The following PAM variants were observed in gnomAD, a reference collection of about 807,000 sequenced individuals.
PAM encodes the protein peptidyl-glycine alpha-amidating monooxygenase.
PAM carries 72 observed loss-of-function variants against 122.1 expected under a neutral mutation model. The ratio of observed to expected loss-of-function variants is 0.59; its 90% CI spans 0.49 to 0.72. PAM has a LOEUF of 0.72. Among genes scored for constraint, PAM ranks in the 30% least tolerant of loss-of-function variants. The pLI, the probability that PAM is intolerant of heterozygous loss-of-function variation, is 0.00. For synonymous variants in PAM, 389 were observed against 404.4 expected, an observed-to-expected ratio of 0.96 and a Z score of 0.46; for missense variants, 1,106 against 1,183.7, an observed-to-expected ratio of 0.93 and a Z score of 0.96.
intron 4 of PAM, among the ~76,000 whole-genome samples, chr5:102,912,270 G>A (rs1801627400): frequency 6.6e-6 from 1 of 151,954 alleles, no homozygotes; most frequent in Non-Finnish European, 1.5e-5. Flanking sequence ...AACCTCTCAT[G>A]CATTGGCAGA....
At chr5:102,929,282 C>T (rs1293247700) in intron 7 of PAM, among the ~76,000 whole-genome samples, 1 of 152,122 alleles carries the variant, frequency 6.6e-6, no homozygotes, top group Non-Finnish European at 1.5e-5. Context: ...CTTTCAGCAG[C>T]TTCTGTATTG....
intron 5 of PAM, among the ~76,000 whole-genome samples, chr5:102,922,325 G>C (rs1482890635): frequency 6.6e-6 from 1 of 152,054 alleles, no homozygotes; most frequent in African/African-American, 2.4e-5. Context: ...TGAGGAGGAA[G>C]GCTTGAACTG....
chr5:102,833,811 T>G (rs1156846168), intron 1 of PAM, among the ~76,000 whole-genome samples: 1 of 152,152 alleles, frequency 6.6e-6, no homozygotes, highest in Non-Finnish European at 1.5e-5. Flanking sequence ...TCCTTACCCC[T>G]GTCCCCAGGA....
At chr5:102,990,451 C>T (rs1451310638) in intron 16 of PAM, 50 bp downstream of exon 16, 1 of 1,402,024 alleles carries the variant, frequency 7.1e-7, no homozygotes, top group Non-Finnish European at 9.7e-7. Context: ...AAATAGTGTA[C>T]ATAATTTTTT....
In PAM at chr5:102,949,581, C is replaced by A. The variant is rs770682634; in HGVS notation, c.688C>A (p.His230Asn). 40 of 1,546,866 alleles carry A rather than the reference C, an allele frequency of 2.6e-5. No homozygotes were observed. Among genetic ancestry groups the A allele is most frequent in the Non-Finnish European group, 2.9e-5 (33 of 1,119,060 alleles). Reference sequence around the variant, plus strand: ...ATGCCATTATAAAAATTATCCAATGCATGTCTTTGCCTATAGAGTTCACAC... The same window carrying A: ...ATGCCATTATAAAAATTATCCAATGAATGTCTTTGCCTATAGAGTTCACAC... The part of the protein sequence containing the change: ...ISCHYKNYPM[H>N]VFAYRVHTHH... Residue 230 changes from histidine to asparagine, a missense_variant, in exon 10 of 26, where the codon CAT becomes AAT. By Grantham distance (68) the His-to-Asn change is moderately conservative. Transcript: ENST00000438793.
chr5:102,945,535 C>A (rs1220374236), intron 7 of PAM, among the ~76,000 whole-genome samples: 1 of 151,694 alleles, frequency 6.6e-6, no homozygotes, highest in Non-Finnish European at 1.5e-5. Flanking sequence ...CAAATTCAAT[C>A]CTCTTACCTG....
In PAM at chr5:102,792,090, T is replaced by G. The variant is rs1055832360; in HGVS notation, c.-374+36742T>G. ...TTGACAAACTCTTTGATCCTTCTTTTTTTTCACAAGTGGAGATTAGAGCCA... is the reference window on the plus strand; with the variant it reads ...TTGACAAACTCTTTGATCCTTCTTTGTTTTCACAAGTGGAGATTAGAGCCA... On this transcript the variant is annotated intron_variant, in intron 1 of 25. Coordinates refer to ENST00000438793, the MANE Select transcript of PAM (RefSeq NM_001177306.2). 2.0e-5 allele frequency among the ~76,000 whole-genome samples: 3 copies of G among 152,170 alleles called. No homozygotes were observed. In the East Asian group the frequency reaches 5.8e-4, roughly 29 times the overall value.
intron 1 of PAM, among the ~76,000 whole-genome samples, chr5:102,791,357 A>T (rs1325324601): frequency 6.6e-6 from 1 of 152,016 alleles, no homozygotes. Context: ...GAGAACACCC[A>T]TTTCCCAGCC....
chr5:102,915,027 G>C (rs1397908844), intron 5 of PAM, among the ~76,000 whole-genome samples: 2 of 152,078 alleles, frequency 1.3e-5, no homozygotes, highest in East Asian at 3.9e-4. Context: ...TATGGTTTGA[G>C]ATTGTCCCTC....
At chr5:102,778,171 CA>C (rs1477538052) in intron 1 of PAM, among the ~76,000 whole-genome samples, 1 of 152,082 alleles carries the variant, frequency 6.6e-6, no homozygotes, top group Non-Finnish European at 1.5e-5. Flanking sequence ...CTCACCTCCC[CA>C]CATGTATTTT....
chr5:103,030,566 T>G (rs1054827167), downstream of PAM: 2 of 152,202 alleles, frequency 1.3e-5, no homozygotes, highest in Admixed American at 6.5e-5. Flanking sequence ...CACTCCACCT[T>G]TATTCTGCCA....
chr5:102,845,813 C>G (rs1337275696), intron 1 of PAM, among the ~76,000 whole-genome samples: 1 of 152,070 alleles, frequency 6.6e-6, no homozygotes, highest in African/African-American at 2.4e-5. Flanking sequence ...CTTGATATGG[C>G]TTTATGTTAT....
chr5:103,013,678 T>G (rs1192808958), intron 21 of PAM, among the ~76,000 whole-genome samples: 1 of 152,194 alleles, frequency 6.6e-6, no homozygotes, highest in Non-Finnish European at 1.5e-5. Flanking sequence ...CTGGTGTTTA[T>G]CAAATTTTAT....
chr5:102,926,392 A>ATC (rs1409368811), intron 6 of PAM, among the ~76,000 whole-genome samples, 193 bp from the exon 7 acceptor site: 1 of 152,256 alleles, frequency 6.6e-6, no homozygotes, highest in African/African-American at 2.4e-5. Context: ...GTAGAATTTC[A>ATC]TCATAGTTTT....
chr5:102,985,297 G>T (rs1307823976), intron 15 of PAM, among the ~76,000 whole-genome samples: 1 of 151,794 alleles, frequency 6.6e-6, no homozygotes, highest in Non-Finnish European at 1.5e-5. Flanking sequence ...TGAAAGATAA[G>T]CAAAATGAGT....
chr5:103,007,470 C>T lies in PAM; in HGVS notation c.2028C>T (p.Ser676=), dbSNP rs1405030145. The change falls in exon 20 of 26, where the codon AGC becomes AGT. Residue 676 remains serine, a synonymous_variant. Transcript: ENST00000438793. ...ITQWGEESSG[S]SPLPGQFTVP... ...TTTGTTCTGCAGAGTCTTCAGGGAG[C>T]AGTCCTCTGCCAGGCCAGTTCACTG... 6.2e-7 allele frequency: 1 copy of T among 1,613,814 alleles called. No homozygotes were observed. The highest frequency in any genetic ancestry group is 2.2e-5 in the East Asian group (1 of 44,858).
intron 7 of PAM, among the ~76,000 whole-genome samples, chr5:102,931,805 A>ACTCTCTCTCTCTCTCT (rs879417466): frequency 2.7e-4 from 38 of 140,380 alleles, no homozygotes; most frequent in African/African-American, 9.3e-4. Flanking sequence ...AACAAACAAC[A>ACTCTCTCTCTCTCTCT]CACTCTCTCT....
At chr5:102,805,217 C>T (rs950608532) in intron 1 of PAM, among the ~76,000 whole-genome samples, 2 of 151,740 alleles carry the variant, frequency 1.3e-5, no homozygotes, top group South Asian at 2.1e-4. Context: ...ACTACAAGCA[C>T]GTGCTACCAC....
chr5:102,967,763 T>G (rs1474492644), intron 14 of PAM, among the ~76,000 whole-genome samples: 1 of 147,614 alleles, frequency 6.8e-6, no homozygotes, highest in Admixed American at 6.9e-5. Context: ...TCGCCCAGGC[T>G]GGAGTGCAGT....
Sources: allele counts gnomAD v4.1 joint callset (sites outside exome capture counted in the v4.1 genomes callset), GRCh38; gene constraint gnomAD v4.1.1; transcripts MANE v1.5; gene names NCBI Gene and HGNC (gene_info 2026-07-23, HGNC 2026-07-21).